ANK3: variants seen among roughly 807,000 people sequenced by gnomAD.
ANK3 encodes the protein ankyrin 3.
A neutral mutation model predicts 370.9 loss-of-function variants in ANK3; 57 were observed. The ratio of observed to expected loss-of-function variants is 0.15; its 90% CI spans 0.12 to 0.19. The LOEUF is 0.19. Ranked by LOEUF, ANK3 falls within the 10% of genes least tolerant of loss-of-function variation. The pLI, the probability that ANK3 is intolerant of heterozygous loss-of-function variation, is 1.00. For synonymous variants in ANK3, 1,929 were observed against 1,946.3 expected, an observed-to-expected ratio of 0.99 and a Z score of 0.23; for missense variants, 4,439 against 5,302.1, an observed-to-expected ratio of 0.84 and a Z score of 5.06.
intron 2 of ANK3, among the ~76,000 whole-genome samples, chr10:60,481,048 C>T (rs1260405380): frequency 6.6e-6 from 1 of 152,102 alleles, no homozygotes; most frequent in Non-Finnish European, 1.5e-5. Context: ...AAGCTAATGG[C>T]CTCCCTGAGA....
intron 1 of ANK3, among the ~76,000 whole-genome samples, chr10:60,678,590 A>G (rs2079156117): frequency 6.6e-6 from 1 of 152,246 alleles, no homozygotes; most frequent in Non-Finnish European, 1.5e-5. Context: ...ATCAAATATT[A>G]TTCCTAAATA....
chr10:60,066,972 T>C (rs1216327688), intron 38 of ANK3, among the ~76,000 whole-genome samples: 2 of 152,088 alleles, frequency 1.3e-5, no homozygotes, highest in Non-Finnish European at 2.9e-5. Flanking sequence ...CAGACTGGAG[T>C]GCAGTGGTGC....
intron 9 of ANK3, among the ~76,000 whole-genome samples, chr10:60,212,345 A>G (rs2096870354): frequency 6.6e-6 from 1 of 152,154 alleles, no homozygotes; most frequent in Non-Finnish European, 1.5e-5. Context: ...AAAGGAGCAA[A>G]AAGGGAAATG....
At chr10:60,160,447 T>C (rs2095469559) in intron 23 of ANK3, among the ~76,000 whole-genome samples, 1 of 152,130 alleles carries the variant, frequency 6.6e-6, no homozygotes, top group Non-Finnish European at 1.5e-5. Context: ...CAGGACCTGA[T>C]GGCTTTACTG....
intron 2 of ANK3, among the ~76,000 whole-genome samples, chr10:60,423,822 G>T (rs2063825664): frequency 6.6e-6 from 1 of 152,014 alleles, no homozygotes; most frequent in Non-Finnish European, 1.5e-5. Context: ...AAATTTGGTA[G>T]TATCCCTGTG....
At position 60,072,937 on chromosome 10, in the gene ANK3, C is replaced by T. The variant is rs1215073151; in HGVS notation, c.7944G>A (p.Lys2648=). ...GTCCATCAGGGCCATGCTGTCTTGC[C>T]TTAACCCACTCATCATTGGATGCCA... The part of the protein sequence containing the change: ...ELLASNDEWV[K]ARQHGPDGQG... Residue 2648 remains lysine (K), a synonymous_variant, in exon 37 of 44, where the codon AAG becomes AAA. Transcript: ENST00000280772. 6.2e-7 allele frequency: 1 copy of T among 1,614,120 alleles called. No homozygotes were observed. Among genetic ancestry groups the T allele is most frequent in the South Asian group, 1.1e-5 (1 of 91,072 alleles).
chr10:60,462,300 C>G (rs1194115735), intron 2 of ANK3, among the ~76,000 whole-genome samples: 1 of 152,274 alleles, frequency 6.6e-6, no homozygotes, highest in East Asian at 1.9e-4. Context: ...CTGTGATATT[C>G]TGATTCTCTA....
At chr10:60,148,724 T>TA (rs938296194) in intron 23 of ANK3, among the ~76,000 whole-genome samples, 1 of 152,188 alleles carries the variant, frequency 6.6e-6, no homozygotes, top group African/African-American at 2.4e-5. Flanking sequence ...TCTCATTATC[T>TA]AAAATCTAAG....
At chr10:60,562,370 A>G (rs2077355585) in intron 2 of ANK3, among the ~76,000 whole-genome samples, 1 of 151,974 alleles carries the variant, frequency 6.6e-6, no homozygotes, top group African/African-American at 2.4e-5. Flanking sequence ...TGGCATCTCT[A>G]AAAATGTTAA....
intron 1 of ANK3, among the ~76,000 whole-genome samples, chr10:60,355,646 C>A (rs1259538039): frequency 1.3e-5 from 2 of 152,210 alleles, no homozygotes; most frequent in African/African-American, 2.4e-5. Flanking sequence ...TCACAAAAGA[C>A]CATGAAGTGC....
At position 60,072,398 on chromosome 10, in the gene ANK3, T is replaced by C; in HGVS notation, c.8483A>G (p.Gln2828Arg). Residue 2828 changes from glutamine to arginine, a missense_variant, in exon 37 of 44, where the codon CAG (glutamine) becomes CGG (arginine). Gln to Arg is a conservative substitution (Grantham distance 43, BLOSUM62 1). This residue lies in a region of ANK3 where 1,601 missense variants were observed against 1,731.7 expected (regional missense o/e 0.92). Coordinates refer to ENST00000280772, the MANE Select transcript of ANK3 (RefSeq NM_020987.5). ...SKAMPDSFSE[Q>R]QAKDLACHIT... ...ATGACATGCCAAGTCTTTAGCCTGC[T>C]GCTCAGAAAAAGAGTCAGGCATTGC... 1 of 1,614,056 alleles carries C rather than the reference T, an allele frequency of 6.2e-7. No individual in the cohort carries two copies. The highest frequency in any genetic ancestry group is 8.5e-7 in the Non-Finnish European group (1 of 1,180,002).
At chr10:60,455,921 A>G (rs964236904) in intron 2 of ANK3, among the ~76,000 whole-genome samples, 1 of 152,202 alleles carries the variant, frequency 6.6e-6, no homozygotes, top group Non-Finnish European at 1.5e-5. Context: ...GTACAATGAG[A>G]TTATTAAACA....
At chr10:60,117,770 C>T (rs1452844692) in intron 25 of ANK3, among the ~76,000 whole-genome samples, 5 of 151,986 alleles carry the variant, frequency 3.3e-5, no homozygotes, top group Admixed American at 6.6e-5. Flanking sequence ...GCCGAGATTG[C>T]GCCACTGCAC....
At chr10:60,462,332 T>G (rs1016493480) in intron 2 of ANK3, among the ~76,000 whole-genome samples, 1 of 152,196 alleles carries the variant, frequency 6.6e-6, no homozygotes, top group Non-Finnish European at 1.5e-5. Context: ...GTCTATATTT[T>G]TGGAGACATT....
chr10:60,364,759 T>C (rs1185763247), intron 1 of ANK3, among the ~76,000 whole-genome samples: 2 of 152,154 alleles, frequency 1.3e-5, no homozygotes, highest in Admixed American at 1.3e-4. Context: ...GTAAACTGTT[T>C]CCTAATGTAA....
chr10:60,339,070 T>C (rs1405990376), intron 1 of ANK3, among the ~76,000 whole-genome samples: 1 of 152,092 alleles, frequency 6.6e-6, no homozygotes, highest in East Asian at 1.9e-4. Context: ...TTTTCTTTGT[T>C]AGTACCAAAA....
intron 2 of ANK3, among the ~76,000 whole-genome samples, chr10:60,482,932 AG>A (rs1213515262): frequency 1.3e-5 from 2 of 152,250 alleles, no homozygotes; most frequent in Non-Finnish European, 2.9e-5. Context: ...ATGTTCCCAA[AG>A]AAAAATTAAA....
Position 60,501,271 on chromosome 10 carries a change from T to C in ANK3, c.96+113915A>G, listed in dbSNP as rs1441357486. On this transcript the variant is annotated intron_variant, in intron 2 of 43. Transcript: ENST00000373827. Reference sequence around the variant, plus strand: ...GAAAACATCAGTGCTGAACACTCATTCTGATTTGAGTCCTAATAGAAAGCA... The same window carrying C: ...GAAAACATCAGTGCTGAACACTCATCCTGATTTGAGTCCTAATAGAAAGCA... 3.9e-5 allele frequency among the ~76,000 whole-genome samples: 6 copies of C among 152,168 alleles called. No homozygotes were observed. The East Asian group carries it at 1.2e-3, about 29-fold the overall frequency.
At chr10:60,613,058 A>G (rs748998990) in intron 2 of ANK3, among the ~76,000 whole-genome samples, 10 of 152,216 alleles carry the variant, frequency 6.6e-5, no homozygotes, top group African/African-American at 9.6e-5. Context: ...TCATTCTTGT[A>G]GAAGGTTTAA....
Sources: gnomAD v4.1 joint callset for allele counts (sites outside exome capture counted in the v4.1 genomes callset) on GRCh38, gnomAD v4.1.1 for gene constraint, gnomAD v4.1.1 regional missense constraint, MANE v1.5 for transcripts, NCBI Gene and HGNC (gene_info 2026-07-23, HGNC 2026-07-21) for gene names.